Variants in TBCD observed in about 807,000 individuals in gnomAD.
TBCD encodes tubulin folding cofactor D.
Under a neutral mutation model 169.3 loss-of-function variants are expected in TBCD, and 105 were observed. That is an observed-to-expected ratio of 0.62 (90% confidence interval 0.53 to 0.73). The LOEUF (loss-of-function observed/expected upper bound fraction) is 0.73. Ranked by LOEUF, TBCD falls within the 30% of genes least tolerant of loss-of-function variation. TBCD has a pLI of 0.00. For missense variants in TBCD, 1,444 were observed against 1,600.1 expected, an observed-to-expected ratio of 0.90 and a Z score of 1.66; for synonymous variants, 700 against 643.9, an observed-to-expected ratio of 1.09 and a Z score of -1.32.
chr17:82,793,264 T>G (rs74000100), intron 7 of TBCD, among the ~76,000 whole-genome samples: 19,725 of 152,142 alleles, frequency 0.13, 3,601 homozygotes, highest in African/African-American at 0.41. Flanking sequence ...GGAGTGCATT[T>G]TGCTCGCTCC....
chr17:82,870,699 A>AGCG (rs2057495797), intron 14 of TBCD, among the ~76,000 whole-genome samples: 1 of 152,150 alleles, frequency 6.6e-6, no homozygotes, highest in Non-Finnish European at 1.5e-5. Flanking sequence ...TGCAGGCAGC[A>AGCG]GATTCTTGGG....
chr17:82,854,198 C>T (rs561309919), intron 13 of TBCD, among the ~76,000 whole-genome samples: 1 of 152,200 alleles, frequency 6.6e-6, no homozygotes, highest in African/African-American at 2.4e-5. Flanking sequence ...ATCCGAAAAT[C>T]CAAAACCGAA....
intron 13 of TBCD, chr17:82,860,568 G>T: frequency 1.9e-6 from 1 of 519,762 alleles, no homozygotes; most frequent in Non-Finnish European, 2.5e-6. Context: ...AACCTGAGGA[G>T]GGCTGGCCAC....
At position 82,920,876 on chromosome 17, in the gene TBCD, C is replaced by A; in HGVS notation, c.2101+258C>A. 1 of 499,356 alleles carries A rather than the reference C, an allele frequency of 2.0e-6. No homozygotes were observed. Among genetic ancestry groups the A allele is most frequent in the Non-Finnish European group, 3.6e-6 (1 of 280,524 alleles). 30.9% of individuals were successfully genotyped at this position (499,356 alleles called of 1,614,324 possible). On this transcript the variant is annotated intron_variant, in intron 24 of 38. Coordinates refer to ENST00000355528, the MANE Select transcript of TBCD (RefSeq NM_005993.5). The surrounding 1 kb of genome is among the most constrained non-coding windows in gnomAD (Gnocchi z 4.1). ...CACCTCCTCGCTTCCATGCCCAGGGCCCGGCACTCTGGGTCAGTTCTTCTC... is the reference window on the plus strand; with the variant it reads ...CACCTCCTCGCTTCCATGCCCAGGGACCGGCACTCTGGGTCAGTTCTTCTC...
chr17:82,836,069 C>G (rs2053946019), intron 13 of TBCD, among the ~76,000 whole-genome samples: 1 of 152,014 alleles, frequency 6.6e-6, no homozygotes, highest in African/African-American at 2.4e-5. Context: ...AATGATAGCT[C>G]TGTCTTTCTA....
At chr17:82,788,756 C>T (rs1165667082) in intron 7 of TBCD, among the ~76,000 whole-genome samples, 1 of 152,106 alleles carries the variant, frequency 6.6e-6, no homozygotes, top group Non-Finnish European at 1.5e-5. Context: ...GGAACCAGGG[C>T]TTGAGCTGCT....
At chr17:82,825,902 G>C (rs1251815512) in intron 13 of TBCD, among the ~76,000 whole-genome samples, 1 of 152,132 alleles carries the variant, frequency 6.6e-6, no homozygotes, top group African/African-American at 2.4e-5. Flanking sequence ...GGAGGTTGAG[G>C]CTGCAGTGAG....
chr17:82,777,099 GT>G (rs922367755), intron 6 of TBCD, among the ~76,000 whole-genome samples: 1 of 151,816 alleles, frequency 6.6e-6, no homozygotes, highest in Non-Finnish European at 1.5e-5. Context: ...ATGTCAAACC[GT>G]TTTTTTCTCC....
chr17:82,802,080 C>T (rs1394124524), intron 9 of TBCD, among the ~76,000 whole-genome samples: 2 of 151,336 alleles, frequency 1.3e-5, no homozygotes, highest in Middle Eastern at 3.4e-3. Flanking sequence ...AAAGCTGCAT[C>T]GGATCAGTGA....
intron 38 of TBCD, 88 bp downstream of exon 38, chr17:82,941,571 C>A: frequency 8.4e-7 from 1 of 1,185,616 alleles, no homozygotes; most frequent in Non-Finnish European, 1.2e-6. Context: ...TTAGCTTCTG[C>A]CAGCACGTCC....
At chr17:82,892,025 C>A (rs1017778605) in intron 16 of TBCD, among the ~76,000 whole-genome samples, 1 of 152,152 alleles carries the variant, frequency 6.6e-6, no homozygotes, top group African/African-American at 2.4e-5. Context: ...ACACCCAGGC[C>A]CCCCACTTCC....
At chr17:82,757,728 A>C (rs147654167) in intron 2 of TBCD, among the ~76,000 whole-genome samples, 210 of 152,108 alleles carry the variant, frequency 1.4e-3, no homozygotes, top group Admixed American at 3.3e-3. Flanking sequence ...CTTGTGAAGG[A>C]GACCAAAGAT....
At chr17:82,809,140 C>A (rs537736426) in intron 11 of TBCD, among the ~76,000 whole-genome samples, 1 of 152,058 alleles carries the variant, frequency 6.6e-6, no homozygotes. Context: ...CCCAGAGCCT[C>A]GTCTGGTTGG....
At chr17:82,809,861 C>G in intron 12 of TBCD, 79 bp downstream of exon 12, 1 of 1,356,476 alleles carries the variant, frequency 7.4e-7, no homozygotes, top group Admixed American at 2.1e-5. Flanking sequence ...TCCTTTCACG[C>G]TTGCTTTTCA....
At chr17:82,758,302 CG>C (rs2047517468) in intron 2 of TBCD, among the ~76,000 whole-genome samples, 1 of 139,900 alleles carries the variant, frequency 7.1e-6, no homozygotes, top group Admixed American at 8.1e-5. Flanking sequence ...GAGAATTGCC[CG>C]AACCCAGGAG....
At position 82,806,064 on chromosome 17, in the gene TBCD, C is replaced by T; in HGVS notation, c.1087+53C>T. 6.3e-7 allele frequency: 1 copy of T among 1,591,350 alleles called. No individual in the cohort carries two copies. Among genetic ancestry groups the T allele is most frequent in the South Asian group, 1.1e-5 (1 of 89,190 alleles). Reference sequence around the variant, plus strand: ...GCTCTTGGGCACCGTCGGGCCAATTCCCCTCTACTCCAGGACCACACTTCC... The same window carrying T: ...GCTCTTGGGCACCGTCGGGCCAATTTCCCTCTACTCCAGGACCACACTTCC... On this transcript the variant is annotated intron_variant, in intron 10 of 38. Transcript: ENST00000355528. The surrounding 1 kb of genome is among the most constrained non-coding windows in gnomAD (Gnocchi z 5.1).
chr17:82,752,473 C>G (rs1419377960), intron 1 of TBCD, 96 bp downstream of exon 1: 62 of 1,025,744 alleles, frequency 6.0e-5, no homozygotes, highest in Non-Finnish European at 7.2e-5. Flanking sequence ...CCGGCGGCGC[C>G]GGCCGCTCTG....
At chr17:82,914,484 T>C (rs2147008791) in intron 23 of TBCD, among the ~76,000 whole-genome samples, 1 of 152,362 alleles carries the variant, frequency 6.6e-6, no homozygotes, top group Middle Eastern at 3.4e-3. Flanking sequence ...CCTCCAGCTG[T>C]GTCTGCACCA....
intron 12 of TBCD, among the ~76,000 whole-genome samples, chr17:82,813,410 C>T (rs985971537): frequency 1.3e-5 from 2 of 152,076 alleles, no homozygotes; most frequent in African/African-American, 4.8e-5. Context: ...GGAACTCGCC[C>T]CGGCTGCTTG....
Sources: gnomAD v4.1 joint callset for allele counts (sites outside exome capture counted in the v4.1 genomes callset) on GRCh38, gnomAD v4.1.1 for gene constraint, Gnocchi (gnomAD v3.1) non-coding constraint, MANE v1.5 for transcripts, NCBI Gene and HGNC (gene_info 2026-07-23, HGNC 2026-07-21) for gene names.